Variants in EXOC3L4 observed in about 807,000 individuals in gnomAD.
EXOC3L4 encodes the protein exocyst complex component 3 like 4.
EXOC3L4 carries 62 observed loss-of-function variants against 69.7 expected under a neutral mutation model. The ratio of observed to expected loss-of-function variants is 0.89; its 90% CI spans 0.72 to 1.10. The LOEUF (loss-of-function observed/expected upper bound fraction) is 1.10, where lower values mean the gene tolerates loss of function less well. Among genes scored for constraint, EXOC3L4 ranks in the 50% least tolerant of loss-of-function variants. EXOC3L4 has a pLI of 0.00. For synonymous variants in EXOC3L4, 502 were observed against 464.2 expected, an observed-to-expected ratio of 1.08 and a Z score of -1.05; for missense variants, 1,087 against 1,034.8, an observed-to-expected ratio of 1.05 and a Z score of -0.69.
intron 2 of EXOC3L4, among the ~76,000 whole-genome samples, chr14:103,101,332 C>A (rs548641972): frequency 6.6e-6 from 1 of 152,214 alleles, no homozygotes; most frequent in Non-Finnish European, 1.5e-5. Context: ...GGATTACAGG[C>A]GTGAGCCACC....
rs763649884 is a variant in EXOC3L4, at chr14:103,105,045, C to T, written c.1439C>T (p.Ala480Val). 3 of 1,612,028 alleles carry T rather than the reference C, an allele frequency of 1.9e-6. No homozygotes were observed. The highest frequency in any genetic ancestry group is 2.5e-6 in the Non-Finnish European group (3 of 1,178,522). ...SEAVSEPHLG[A>V]YINACEELRT... is the part of the protein sequence containing the mutation. ...GCGGTGAGCGAGCCGCACCTGGGCG[C>T]CTACATCAACGCCTGCGAGGAGCTC... Residue 480 changes from alanine (A) to valine (V), a missense_variant, in exon 7 of 12, where the codon GCC becomes GTC. Transcript: ENST00000688303.
intron 6 of EXOC3L4, 45 bp downstream of exon 6, chr14:103,104,883 T>C: frequency 1.3e-6 from 2 of 1,537,156 alleles, no homozygotes; most frequent in Non-Finnish European, 1.8e-6. Flanking sequence ...CCGGGTGCGC[T>C]CTGCAGGTGG....
chr14:103,102,564 G>C lies in EXOC3L4; in HGVS notation c.841G>C (p.Glu281Gln), dbSNP rs1261086322. The change falls in exon 3 of 12, where the codon GAG becomes CAG. Residue 281 changes from glutamate (E) to glutamine (Q), a missense_variant. Transcript: ENST00000688303. ...GASGLAQLLA[E>Q]LGGLVRRDLQ... ...GTCGGGTTTGGCCCAGCTTCTGGCC[G>C]AGCTGGGTGGCTTGGTTCGCCGCGA... is the stretch of plus-strand genomic sequence containing the variant. The C allele has an allele frequency of 4.1e-6, 6 of 1,449,652 alleles. No individual in the cohort carries two copies. Among genetic ancestry groups the C allele is most frequent in the Non-Finnish European group, 5.4e-6 (6 of 1,103,810 alleles). 89.8% of individuals were successfully genotyped at this position (1,449,652 alleles called of 1,614,324 possible).
chr14:103,106,898 AG>A lies in EXOC3L4; in HGVS notation c.1581+1del. 2 of 1,560,302 alleles carry A rather than the reference AG, an allele frequency of 1.3e-6. No homozygotes were observed. ...HLLQGLQREL[Q>X]PLFRVVCTRD... Reference sequence around the variant, plus strand: ...CTTCAGGGCTTGCAGCGTGAGTTGCAGGTGACTGTGATAGGCCCTCTCTCCC... The same window carrying A: ...CTTCAGGGCTTGCAGCGTGAGTTGCAGTGACTGTGATAGGCCCTCTCTCCC... On this transcript the variant is annotated frameshift_variant and splice_region_variant, in exon 8 of 12. Coordinates refer to ENST00000688303, the MANE Select transcript of EXOC3L4 (RefSeq NM_001077594.2). LOFTEE classifies it high-confidence loss of function.
At chr14:103,108,561 A>G (rs1595256641) in intron 11 of EXOC3L4, 44 bp downstream of exon 11, 3 of 1,598,394 alleles carry the variant, frequency 1.9e-6, no homozygotes, top group South Asian at 1.1e-5. Flanking sequence ...CCAGAGCTTC[A>G]GGGCCAAGGG....
At position 103,104,264 on chromosome 14, in the gene EXOC3L4, C is replaced by T. The variant is rs752809283; in HGVS notation, c.1162-3C>T. 3.8e-6 allele frequency: 6 copies of T among 1,584,216 alleles called. No homozygotes were observed. The Admixed American group carries it at 5.2e-5, about 14-fold the overall frequency. Reference sequence around the variant, plus strand: ...CACCACGGCCCATCCCTTCTCCCCCCAGGCCAAGATCGCAAGCTGCTTCGA... The same window carrying T: ...CACCACGGCCCATCCCTTCTCCCCCTAGGCCAAGATCGCAAGCTGCTTCGA... On this transcript the variant is annotated splice_polypyrimidine_tract_variant and splice_region_variant and intron_variant, in intron 4 of 11. Coordinates refer to ENST00000688303, the MANE Select transcript of EXOC3L4 (RefSeq NM_001077594.2).
In EXOC3L4 at chr14:103,104,395, G is replaced by A. The variant is rs761920206; in HGVS notation, c.1284+6G>A. On this transcript the variant is annotated splice_donor_region_variant and intron_variant, in intron 5 of 11. Coordinates refer to ENST00000688303, the MANE Select transcript of EXOC3L4 (RefSeq NM_001077594.2). ...TGTCCATGGACGTCCATATGGTGCGGCCCGGGAGCAGGGGCTGAGAAGGGG... is the reference window on the plus strand; with the variant it reads ...TGTCCATGGACGTCCATATGGTGCGACCCGGGAGCAGGGGCTGAGAAGGGG... The A allele has an allele frequency of 6.4e-7, 1 of 1,554,698 alleles. No homozygotes were observed. Among genetic ancestry groups the A allele is most frequent in the East Asian group, 2.4e-5 (1 of 41,408 alleles).
chr14:103,110,301 C>T lies in EXOC3L4; in HGVS notation c.*78C>T, dbSNP rs1328663945. ...GGGGTCAGCCAGGAGCCCAGGGAGT[C>T]ACTCTGGGCCCTGCCCCCAACTCTG... On this transcript the variant is annotated 3_prime_UTR_variant, in exon 12 of 12. Transcript: ENST00000688303. The T allele has an allele frequency of 6.9e-7, 1 of 1,453,704 alleles. No individual in the cohort carries two copies. Among genetic ancestry groups the T allele is most frequent in the East Asian group, 2.5e-5 (1 of 40,312 alleles). 90.1% of individuals were successfully genotyped at this position (1,453,704 alleles called of 1,614,324 possible). A position where few individuals can be genotyped will look rare whatever the true frequency, so the allele number is the denominator to read the frequency against.
intron 7 of EXOC3L4, 90 bp from the exon 8 acceptor site, chr14:103,106,695 T>G (rs2139505177): frequency 2.7e-6 from 2 of 740,930 alleles, no homozygotes; most frequent in East Asian, 5.7e-5. Context: ...CTTCACATTG[T>G]AGTCTAAGTG....
At chr14:103,094,641 G>T (rs1366952337), upstream of EXOC3L4, 1 of 152,402 alleles carries the variant, frequency 6.6e-6, no homozygotes, top group African/African-American at 2.4e-5. Flanking sequence ...GTGAAAGTAT[G>T]GGGTCCTGGT....
intron 3 of EXOC3L4, 68 bp from the exon 4 acceptor site, chr14:103,103,873 C>A: frequency 2.8e-6 from 3 of 1,071,396 alleles, no homozygotes; most frequent in Non-Finnish European, 4.0e-6. Flanking sequence ...TTGAGCCTGG[C>A]CAGAAGAGGG....
rs988529005 is a variant in EXOC3L4 at position 103,100,208 on chromosome 14, C to T, written c.-12C>T. 3.2e-6 allele frequency: 5 copies of T among 1,561,352 alleles called. No individual in the cohort carries two copies. The highest frequency in any genetic ancestry group is 4.4e-6 in the Non-Finnish European group (5 of 1,148,782). Reference sequence around the variant, plus strand: ...GCCACTCCTTCTTGCCCCCAGCTCTCCTGCTGCCAAGATGCCATCACCACA... The same window carrying T: ...GCCACTCCTTCTTGCCCCCAGCTCTTCTGCTGCCAAGATGCCATCACCACA... On this transcript the variant is annotated 5_prime_UTR_variant, in exon 2 of 12. Coordinates refer to ENST00000688303, the MANE Select transcript of EXOC3L4 (RefSeq NM_001077594.2).
chr14:103,103,692 T>G, intron 3 of EXOC3L4: 4 of 487,240 alleles, frequency 8.2e-6, no homozygotes, highest in South Asian at 2.8e-5. Flanking sequence ...GAGGGCGGAG[T>G]GCCATCTGGG....
At chr14:103,109,886 T>G in intron 11 of EXOC3L4, 145 bp from the exon 12 acceptor site, 1 of 878,892 alleles carries the variant, frequency 1.1e-6, no homozygotes. Flanking sequence ...CAGCTCTTCC[T>G]GGCCTCAGTC....
At chr14:103,107,301 G>C (rs967193317) in intron 8 of EXOC3L4, 123 bp from the exon 9 acceptor site, 48 of 1,437,902 alleles carry the variant, frequency 3.3e-5, no homozygotes, top group Non-Finnish European at 4.1e-5. Context: ...CTGTGGCTAG[G>C]AGAGGGAATG....
intron 10 of EXOC3L4, 101 bp from the exon 11 acceptor site, chr14:103,108,295 G>A (rs760061190): frequency 8.6e-6 from 13 of 1,508,844 alleles, no homozygotes; most frequent in Admixed American, 3.8e-5. Flanking sequence ...GAGGGCTGAC[G>A]CTGCGGGAGG....
At chr14:103,102,027 C>A in intron 2 of EXOC3L4, 91 bp from the exon 3 acceptor site, 2 of 1,333,468 alleles carry the variant, frequency 1.5e-6, no homozygotes, top group Non-Finnish European at 1.0e-6. Flanking sequence ...ACAATCCAGC[C>A]CCGATGGATT....
At position 103,110,353 on chromosome 14, in the gene EXOC3L4, T is replaced by C. The variant is rs1890867026; in HGVS notation, c.*130T>C. 1 of 1,143,796 alleles carries C rather than the reference T, an allele frequency of 8.7e-7. No homozygotes were observed. The allele number at this position is 1,143,796 out of a possible 1,614,324, so 70.9% of individuals were successfully genotyped here. A position where few individuals can be genotyped will look rare whatever the true frequency, so the allele number is the denominator to read the frequency against. ...CACTGCAGTTAGGGAATTTTTGTCG[T>C]CAGCAGCCAAGCGCAGCTGTCAGGC... On this transcript the variant is annotated 3_prime_UTR_variant, in exon 12 of 12. Coordinates refer to ENST00000688303, the MANE Select transcript of EXOC3L4 (RefSeq NM_001077594.2).
At chr14:103,105,746 G>A (rs1016625207) in intron 7 of EXOC3L4, among the ~76,000 whole-genome samples, 10 of 152,292 alleles carry the variant, frequency 6.6e-5, no homozygotes, top group Non-Finnish European at 7.4e-5. Context: ...TTGGCCTTCC[G>A]TGCCCTCAGC....
Sources: allele counts gnomAD v4.1 joint callset (sites outside exome capture counted in the v4.1 genomes callset), GRCh38; gene constraint gnomAD v4.1.1; transcripts MANE v1.5; gene names NCBI Gene and HGNC (gene_info 2026-07-23, HGNC 2026-07-21).